Variants in MS4A7 observed in about 807,000 individuals in gnomAD.
MS4A7 encodes the protein membrane spanning 4-domains A7, also known as membrane-spanning 4-domains subfamily A member 7.
Under a neutral mutation model 23.5 loss-of-function variants are expected in MS4A7, and 21 were observed. The observed-to-expected ratio is 0.89, with a 90% confidence interval of 0.63 to 1.29. The LOEUF is 1.29. MS4A7 is among the 50% of genes most tolerant of loss of function. The pLI, the probability that MS4A7 is intolerant of heterozygous loss-of-function variation, is 0.00. For synonymous variants in MS4A7, 111 were observed against 107.4 expected (o/e 1.03, Z -0.21); for missense variants, 263 against 274.2 (o/e 0.96, Z 0.29).
intron 5 of MS4A7, among the ~76,000 whole-genome samples, chr11:60,390,974 G>A (rs1240532648): frequency 1.3e-5 from 2 of 152,158 alleles, no homozygotes; most frequent in Non-Finnish European, 2.9e-5. Flanking sequence ...GGATCCTAAA[G>A]CCAAATCATC....
intron 1 of MS4A7, among the ~76,000 whole-genome samples, chr11:60,382,887 G>A (rs556478966): frequency 1.1e-4 from 17 of 152,220 alleles, no homozygotes; most frequent in Admixed American, 8.5e-4. Context: ...CTCAATTGTG[G>A]GACCCCTCAA....
chr11:60,393,901 C>T lies in MS4A7; in HGVS notation c.*40C>T. On this transcript the variant is annotated 3_prime_UTR_variant, in exon 7 of 7. Coordinates refer to ENST00000300184, the MANE Select transcript of MS4A7 (RefSeq NM_021201.5). ...CAGAGGAAGGAAAAGCAACTCAACA[C>T]TCATGGTCAAGTGTGATTAGACTTT... is the stretch of plus-strand genomic sequence containing the variant. 2 of 1,374,854 alleles carry T rather than the reference C, an allele frequency of 1.5e-6. No homozygotes were observed. The highest frequency in any genetic ancestry group is 1.3e-5 in the South Asian group (1 of 79,876). The allele number at this position is 1,374,854 out of a possible 1,614,324, so 85.2% of individuals were successfully genotyped here.
chr11:60,382,667 C>T (rs1031777735), intron 1 of MS4A7, among the ~76,000 whole-genome samples: 6 of 152,130 alleles, frequency 3.9e-5, no homozygotes, highest in African/African-American at 9.7e-5. Flanking sequence ...AACATTTTTA[C>T]GAAGACAAAA....
rs2085580633 is a variant in MS4A7 at position 60,393,818 on chromosome 11, A to G, written c.680A>G (p.His227Arg). The change falls in exon 7 of 7, where the codon CAT (histidine) becomes CGT (arginine). Residue 227 changes from histidine (H) to arginine (R), a missense_variant. By Grantham distance (29) the His-to-Arg change is conservative (BLOSUM62 0). Transcript: ENST00000300184. ...TTTTCCTCGACCCAGTCACAAGATC[A>G]TATCCAACAGGTCAAAAAGAGTTCT... Reference protein sequence around the residue: ...SSFSSTQSQDHIQQVKKSSSR... With the variant: ...SSFSSTQSQDRIQQVKKSSSR... The G allele has an allele frequency of 1.9e-6, 3 of 1,612,416 alleles. 1 individual carries two copies. In the South Asian group the frequency reaches 3.3e-5, roughly 18 times the overall value.
intron 2 of MS4A7, chr11:60,383,687 A>ACG (rs2085454025): frequency 6.5e-6 from 1 of 152,884 alleles, no homozygotes; most frequent in Non-Finnish European, 1.5e-5. Flanking sequence ...CTATGGGTGC[A>ACG]CGCCACCACG....
chr11:60,384,797 C>T lies in MS4A7; in HGVS notation c.148-291C>T, dbSNP rs191836206. 1.6e-4 allele frequency among the ~76,000 whole-genome samples: 25 copies of T among 152,270 alleles called. No homozygotes were observed. In the East Asian group the frequency reaches 4.4e-3, roughly 27 times the overall value. ...CCTCACTGGACAACTTTTTTATCTA[C>T]TTTTCAAGAAAATAAATTTAAAAAC... On this transcript the variant is annotated intron_variant, in intron 2 of 6. Transcript: ENST00000300184.
intron 4 of MS4A7, among the ~76,000 whole-genome samples, chr11:60,387,655 A>G (rs1406924118): frequency 6.6e-6 from 1 of 152,210 alleles, no homozygotes; most frequent in Non-Finnish European, 1.5e-5. Flanking sequence ...CCAAACTCAA[A>G]GACAATACCA....
At chr11:60,387,516 C>T (rs1216667192) in intron 4 of MS4A7, among the ~76,000 whole-genome samples, 2 of 152,106 alleles carry the variant, frequency 1.3e-5, no homozygotes, top group Non-Finnish European at 2.9e-5. Context: ...AGACTATTTC[C>T]ATCCAAAGAC....
intron 4 of MS4A7, among the ~76,000 whole-genome samples, chr11:60,387,807 GA>G: frequency 6.6e-6 from 1 of 152,332 alleles, no homozygotes; most frequent in African/African-American, 2.4e-5. Context: ...CGGCTTCAGA[GA>G]AAAGACAAAA....
chr11:60,381,358 G>A (rs1590789709), intron 1 of MS4A7, among the ~76,000 whole-genome samples: 1 of 152,104 alleles, frequency 6.6e-6, no homozygotes, highest in African/African-American at 2.4e-5. Flanking sequence ...AGAACTTTAG[G>A]TTTAATAATT....
In MS4A7 at chr11:60,383,157, C is replaced by T. The variant is rs2085448108; in HGVS notation, c.16C>T (p.Gln6Ter). 6.2e-7 allele frequency: 1 copy of T among 1,613,752 alleles called. No homozygotes were observed. Among genetic ancestry groups the T allele is most frequent in the Admixed American group, 1.7e-5 (1 of 59,982 alleles). The change falls in exon 2 of 7, where the codon CAA becomes TAA. Residue 6 changes from glutamine (Q) to a stop codon, truncating the protein, a stop_gained. Transcript: ENST00000300184. LOFTEE classifies it high-confidence loss of function. MLLQS[Q>*]TMGVSHSFTP... is the part of the protein sequence containing the mutation. ...CATCAGCATCATGCTATTACAATCCCAAACCATGGGGGTTTCTCACAGCTT... is the reference window on the plus strand; with the variant it reads ...CATCAGCATCATGCTATTACAATCCTAAACCATGGGGGTTTCTCACAGCTT...
rs554861115 is a variant in MS4A7 at position 60,378,649 on chromosome 11, C to G, written c.-29C>G. ...GATCCCCAGCCACAGCACACAGGAC[C>G]AGGCTGCGAGAACAGGTAGACACCT... On this transcript the variant is annotated 5_prime_UTR_variant, in exon 1 of 7. Coordinates refer to ENST00000300184, the MANE Select transcript of MS4A7 (RefSeq NM_021201.5). 7 of 152,368 alleles carry G rather than the reference C, an allele frequency of 4.6e-5. No individual in the cohort carries two copies. Among genetic ancestry groups the G allele is most frequent in the African/African-American group, 1.7e-4 (7 of 41,580 alleles). 9.4% of individuals were successfully genotyped at this position (152,368 alleles called of 1,614,324 possible).
chr11:60,380,544 G>A (rs1166722609), intron 1 of MS4A7, among the ~76,000 whole-genome samples: 2 of 152,274 alleles, frequency 1.3e-5, no homozygotes, highest in East Asian at 1.9e-4. Flanking sequence ...TTAAACTTTC[G>A]AGTCCTAGCT....
intron 5 of MS4A7, among the ~76,000 whole-genome samples, chr11:60,391,764 C>T (rs2085553687): frequency 6.6e-6 from 1 of 151,458 alleles, no homozygotes; most frequent in Non-Finnish European, 1.5e-5. Flanking sequence ...ACTAAAAATA[C>T]AAAAATTAGT....
At chr11:60,384,382 T>C (rs978211435) in intron 2 of MS4A7, among the ~76,000 whole-genome samples, 1 of 152,236 alleles carries the variant, frequency 6.6e-6, no homozygotes, top group Non-Finnish European at 1.5e-5. Context: ...GGAACTTGTC[T>C]GTACCTTTAC....
intron 3 of MS4A7, among the ~76,000 whole-genome samples, chr11:60,386,296 T>C (rs2085486383): frequency 6.6e-6 from 1 of 152,226 alleles, no homozygotes; most frequent in Non-Finnish European, 1.5e-5. Context: ...TTCCAGTCCA[T>C]GTGTTTCTGC....
rs2085594269 is a variant in MS4A7 at position 60,394,734 on chromosome 11, G to A, written c.*873G>A. The A allele has an allele frequency of 4.1e-6, 1 of 243,616 alleles. No homozygotes were observed. Among genetic ancestry groups the A allele is most frequent in the Non-Finnish European group, 7.6e-6 (1 of 131,026 alleles). The allele number at this position is 243,616 out of a possible 1,614,324, so 15.1% of individuals were successfully genotyped here. A position where few individuals can be genotyped will look rare whatever the true frequency, so the allele number is the denominator to read the frequency against. On this transcript the variant is annotated 3_prime_UTR_variant, in exon 7 of 7. Coordinates refer to ENST00000300184, the MANE Select transcript of MS4A7 (RefSeq NM_021201.5). ...GAAGAATCACTTGAACCCGGGAAGGGGAGGTTGCAGTGAGCGGAGACTGCA... is the reference window on the plus strand; with the variant it reads ...GAAGAATCACTTGAACCCGGGAAGGAGAGGTTGCAGTGAGCGGAGACTGCA...
chr11:60,384,224 A>G (rs1425524665), intron 2 of MS4A7, among the ~76,000 whole-genome samples: 1 of 152,224 alleles, frequency 6.6e-6, no homozygotes, highest in Non-Finnish European at 1.5e-5. Flanking sequence ...GCTCAAAATT[A>G]TCCAGTGGGA....
intron 4 of MS4A7, among the ~76,000 whole-genome samples, chr11:60,387,580 G>T (rs145141166): frequency 6.6e-6 from 1 of 152,230 alleles, no homozygotes; most frequent in African/African-American, 2.4e-5. Flanking sequence ...AGTAAGGTGG[G>T]AGAAAATGAG....
Sources: gnomAD v4.1 joint callset for allele counts (sites outside exome capture counted in the v4.1 genomes callset) on GRCh38, gnomAD v4.1.1 for gene constraint, MANE v1.5 for transcripts, NCBI Gene and HGNC (gene_info 2026-07-23, HGNC 2026-07-21) for gene names.